TECRL: variants seen among roughly 807,000 people sequenced by gnomAD.
TECRL encodes the protein trans-2,3-enoyl-CoA reductase like.
TECRL carries 63 observed loss-of-function variants against 52.8 expected under a neutral mutation model. That is an observed-to-expected ratio of 1.19 (90% CI 0.97 to 1.47). TECRL has a LOEUF of 1.47. Ranked by LOEUF, TECRL falls within the 40% of genes most tolerant of loss-of-function variation. The pLI is 0.00. For synonymous variants in TECRL, 164 were observed against 141.9 expected, an observed-to-expected ratio of 1.16 and a Z score of -1.10; for missense variants, 482 against 429.6, an observed-to-expected ratio of 1.12 and a Z score of -1.08.
chr4:64,334,385 C>G (rs1219775942), intron 2 of TECRL, among the ~76,000 whole-genome samples: 3 of 152,106 alleles, frequency 2.0e-5, no homozygotes, highest in Non-Finnish European at 4.4e-5. Context: ...ATGCTACCTA[C>G]ATAATTAAGT....
At chr4:64,307,321 G>C (rs1455717254) in intron 6 of TECRL, among the ~76,000 whole-genome samples, 3 of 152,048 alleles carry the variant, frequency 2.0e-5, no homozygotes, top group Non-Finnish European at 2.9e-5. Flanking sequence ...TAGATCTGTG[G>C]GACCCCAAAG....
intron 2 of TECRL, among the ~76,000 whole-genome samples, chr4:64,373,238 T>C (rs981130706): frequency 1.3e-5 from 2 of 151,566 alleles, no homozygotes; most frequent in Admixed American, 6.6e-5. Flanking sequence ...AATATTAAAA[T>C]AAAGATAATT....
chr4:64,322,016 T>C (rs947289762), intron 4 of TECRL, among the ~76,000 whole-genome samples: 2 of 152,136 alleles, frequency 1.3e-5, no homozygotes, highest in African/African-American at 2.4e-5. Flanking sequence ...ACCAGCCCAA[T>C]AGTCCCATAG....
chr4:64,296,431 T>G (rs1047854604), intron 8 of TECRL, among the ~76,000 whole-genome samples: 3 of 151,856 alleles, frequency 2.0e-5, no homozygotes, highest in African/African-American at 7.2e-5. Flanking sequence ...AACACCTAAG[T>G]GACTGAATAA....
intron 3 of TECRL, among the ~76,000 whole-genome samples, chr4:64,323,599 A>G (rs567192439): frequency 6.6e-6 from 1 of 152,280 alleles, no homozygotes; most frequent in African/African-American, 2.4e-5. Context: ...GAAGGGAAGC[A>G]AGGTGATTAT....
intron 4 of TECRL, among the ~76,000 whole-genome samples, chr4:64,318,193 G>A (rs968451020): frequency 3.3e-5 from 5 of 151,968 alleles, no homozygotes; most frequent in African/African-American, 1.2e-4. Context: ...AGACCAAACA[G>A]ACTGTGAGCA....
At chr4:64,297,112 T>G (rs1994164) in intron 8 of TECRL, among the ~76,000 whole-genome samples, 1 of 151,298 alleles carries the variant, frequency 6.6e-6, no homozygotes, top group Non-Finnish European at 1.5e-5. Flanking sequence ...TATGTATACA[T>G]TGTAAATTAT....
chr4:64,333,879 C>A (rs1221206296), intron 2 of TECRL, among the ~76,000 whole-genome samples: 1 of 139,138 alleles, frequency 7.2e-6, no homozygotes, highest in Non-Finnish European at 1.5e-5. Context: ...AAAAAATTAG[C>A]CGGGCGCGGT....
chr4:64,403,827 C>A, intron 1 of TECRL, among the ~76,000 whole-genome samples: 1 of 146,892 alleles, frequency 6.8e-6, no homozygotes. Flanking sequence ...GAGGAAGAGG[C>A]AGAAGAGTAG....
At chr4:64,332,641 T>C (rs1718728224) in intron 2 of TECRL, among the ~76,000 whole-genome samples, 2 of 151,952 alleles carry the variant, frequency 1.3e-5, no homozygotes, top group African/African-American at 2.4e-5. Flanking sequence ...AAACATAAAA[T>C]ACAAGACAGA....
At chr4:64,318,529 GATA>G (rs1410391894) in intron 4 of TECRL, among the ~76,000 whole-genome samples, 1 of 151,896 alleles carries the variant, frequency 6.6e-6, no homozygotes, top group Non-Finnish European at 1.5e-5. Context: ...ATAAAAATAT[GATA>G]ATAATTGTGC....
chr4:64,295,439 A>C (rs1723625675), intron 8 of TECRL, among the ~76,000 whole-genome samples: 1 of 151,574 alleles, frequency 6.6e-6, no homozygotes, highest in African/African-American at 2.4e-5. Context: ...GCTTAAAATT[A>C]TTTCATCTCT....
chr4:64,348,351 C>A (rs2109561054), intron 2 of TECRL, among the ~76,000 whole-genome samples: 1 of 152,242 alleles, frequency 6.6e-6, no homozygotes, highest in East Asian at 1.9e-4. Context: ...AGCATGGTTT[C>A]AAGAAAGCAC....
intron 2 of TECRL, among the ~76,000 whole-genome samples, chr4:64,364,058 T>C (rs1318099268): frequency 6.6e-6 from 1 of 152,028 alleles, no homozygotes; most frequent in Non-Finnish European, 1.5e-5. Flanking sequence ...TTATTCCAGT[T>C]ACACTCAGAG....
intron 11 of TECRL, 21 bp downstream of exon 11, chr4:64,281,020 A>T (rs1378937450): frequency 1.3e-6 from 2 of 1,558,448 alleles, no homozygotes; most frequent in Non-Finnish European, 1.8e-6. Context: ...TTGATTAATT[A>T]TCAGTATATC....
chr4:64,328,596 G>T lies in TECRL; in HGVS notation c.287-40C>A, dbSNP rs776496074. On this transcript the variant is annotated intron_variant, in intron 2 of 11. Coordinates refer to ENST00000381210, the MANE Select transcript of TECRL (RefSeq NM_001010874.5). ...ATAACATTTAATTGTCAGAAAAAGT[G>T]TAACTATAGCTTATAAAACTAACTG... is the stretch of plus-strand genomic sequence containing the variant. 3.2e-6 allele frequency: 5 copies of T among 1,561,716 alleles called. No homozygotes were observed. The South Asian group carries it at 5.7e-5, about 18-fold the overall frequency.
intron 1 of TECRL, among the ~76,000 whole-genome samples, chr4:64,400,665 T>C (rs1381210613): frequency 6.6e-6 from 1 of 152,146 alleles, no homozygotes; most frequent in Non-Finnish European, 1.5e-5. Flanking sequence ...CACTGTCCTC[T>C]TCATAGTGAG....
At chr4:64,380,096 C>G (rs1261801473) in intron 1 of TECRL, among the ~76,000 whole-genome samples, 1 of 152,018 alleles carries the variant, frequency 6.6e-6, no homozygotes, top group African/African-American at 2.4e-5. Flanking sequence ...CCATTCATAC[C>G]AGGGTAAGTT....
chr4:64,396,636 G>A (rs914143651), intron 1 of TECRL, among the ~76,000 whole-genome samples: 28 of 152,118 alleles, frequency 1.8e-4, no homozygotes, highest in Admixed American at 6.5e-4. Context: ...TTCTTTTGCC[G>A]TAAGGGACCT....
Sources: gnomAD v4.1 joint callset for allele counts (sites outside exome capture counted in the v4.1 genomes callset) on GRCh38, gnomAD v4.1.1 for gene constraint, MANE v1.5 for transcripts, NCBI Gene and HGNC (gene_info 2026-07-23, HGNC 2026-07-21) for gene names.